SUSD1: variants seen among roughly 807,000 people sequenced by gnomAD.
The protein encoded by SUSD1 is sushi domain-containing protein 1.
In SUSD1, 65 loss-of-function variants were observed where a neutral mutation model predicts 86.9. The observed-to-expected ratio is 0.75, with a 90% CI of 0.61 to 0.92. The LOEUF (loss-of-function observed/expected upper bound fraction) is 0.92. SUSD1 is among the 40% of genes least tolerant of loss of function. SUSD1 has a pLI of 0.00. For synonymous variants in SUSD1, 346 were observed against 350.0 expected, an observed-to-expected ratio of 0.99 and a Z score of 0.13; for missense variants, 850 against 929.7, an observed-to-expected ratio of 0.91 and a Z score of 1.11.
intron 1 of SUSD1, among the ~76,000 whole-genome samples, chr9:112,167,122 T>TTG (rs2131853853): frequency 1.3e-5 from 2 of 151,448 alleles, no homozygotes; most frequent in East Asian, 1.9e-4. Context: ...AATTTTTTTT[T>TTG]GTCTCCCTCT....
At chr9:112,120,806 A>AC in intron 6 of SUSD1, among the ~76,000 whole-genome samples, 1 of 152,318 alleles carries the variant, frequency 6.6e-6, no homozygotes, top group African/African-American at 2.4e-5. Flanking sequence ...CTGGTTTTTC[A>AC]TGCGGTGACT....
At chr9:112,053,384 G>T (rs1828304963) in intron 14 of SUSD1, among the ~76,000 whole-genome samples, 1 of 151,474 alleles carries the variant, frequency 6.6e-6, no homozygotes, top group East Asian at 1.9e-4. Context: ...GTGTGGTGGT[G>T]GGCGCCTGTA....
chr9:112,063,098 G>A, intron 12 of SUSD1, 65 bp from the exon 13 acceptor site: 1 of 1,032,574 alleles, frequency 9.7e-7, no homozygotes, highest in Admixed American at 1.8e-5. Flanking sequence ...GGACAAAAGA[G>A]GTCCTCGTGA....
At chr9:112,051,633 G>A (rs911851774) in intron 15 of SUSD1, among the ~76,000 whole-genome samples, 16 of 151,844 alleles carry the variant, frequency 1.1e-4, no homozygotes, top group African/African-American at 3.9e-4. Context: ...GTTTCTCCAT[G>A]TTGGTCAGGC....
At chr9:112,145,534 G>T (rs1564337421) in intron 3 of SUSD1, among the ~76,000 whole-genome samples, 1 of 152,024 alleles carries the variant, frequency 6.6e-6, no homozygotes, top group African/African-American at 2.4e-5. Flanking sequence ...CACCCAGTTG[G>T]CTCCCAAAGT....
chr9:112,064,017 C>A (rs1321649874), intron 12 of SUSD1, among the ~76,000 whole-genome samples: 2 of 95,940 alleles, frequency 2.1e-5, no homozygotes, highest in East Asian at 3.1e-4. Context: ...GTAGCCCCAT[C>A]CTTATTTTTT....
chr9:112,058,273 C>A (rs1055169718), intron 14 of SUSD1, among the ~76,000 whole-genome samples, 155 bp downstream of exon 14: 2 of 152,200 alleles, frequency 1.3e-5, no homozygotes, highest in Non-Finnish European at 2.9e-5. Flanking sequence ...AGGGTTTCAC[C>A]TGTCCCTTCT....
intron 12 of SUSD1, among the ~76,000 whole-genome samples, chr9:112,065,340 T>C (rs931649209): frequency 6.6e-6 from 1 of 152,014 alleles, no homozygotes; most frequent in South Asian, 2.1e-4. Flanking sequence ...CTGGGCAACA[T>C]GGTGAAATCC....
intron 8 of SUSD1, among the ~76,000 whole-genome samples, chr9:112,109,933 G>T (rs984953762): frequency 1.1e-4 from 17 of 152,270 alleles, no homozygotes; most frequent in African/African-American, 3.4e-4. Context: ...GTTTTATATT[G>T]TTAAGATTGG....
At chr9:112,090,892 T>C (rs972071743) in intron 10 of SUSD1, among the ~76,000 whole-genome samples, 1 of 152,186 alleles carries the variant, frequency 6.6e-6, no homozygotes, top group African/African-American at 2.4e-5. Flanking sequence ...ATACGCATGA[T>C]TAGAAAATGA....
chr9:112,111,745 T>A lies in SUSD1; in HGVS notation c.1080A>T (p.Leu360=), dbSNP rs1472349547. ...TGTAGTTGGTGCCTGGGTACAGGGC[T>A]AGGCACACTTCTGGGGTCCTGCTGT... is the stretch of plus-strand genomic sequence containing the variant. The part of the protein sequence containing the change: ...TTDSRTPEVC[L]ALYPGTNYTV... Residue 360 remains leucine, a synonymous_variant, in exon 8 of 17, where the codon CTA becomes CTT. Coordinates refer to ENST00000374270, the MANE Select transcript of SUSD1 (RefSeq NM_022486.5). 2.5e-6 allele frequency: 4 copies of A among 1,614,176 alleles called. No individual in the cohort carries two copies. Among genetic ancestry groups the A allele is most frequent in the Non-Finnish European group, 2.5e-6 (3 of 1,180,020 alleles).
chr9:112,090,997 T>A (rs977815517), intron 10 of SUSD1, among the ~76,000 whole-genome samples: 19 of 152,214 alleles, frequency 1.2e-4, no homozygotes, highest in African/African-American at 4.3e-4. Context: ...TATTCATCTT[T>A]ATGAGTAAAG....
chr9:112,068,361 G>A (rs1829085911), intron 12 of SUSD1, among the ~76,000 whole-genome samples: 1 of 152,118 alleles, frequency 6.6e-6, no homozygotes, highest in African/African-American at 2.4e-5. Context: ...AGAGGGGTAG[G>A]TGTGGGTCAG....
chr9:112,054,701 T>C (rs778076069), intron 14 of SUSD1, among the ~76,000 whole-genome samples: 73 of 151,620 alleles, frequency 4.8e-4, no homozygotes, highest in Non-Finnish European at 8.8e-4. Flanking sequence ...TCAAAATGGA[T>C]CAAAAACCTA....
intron 1 of SUSD1, among the ~76,000 whole-genome samples, chr9:112,159,346 C>T (rs1833469091): frequency 6.6e-6 from 1 of 152,112 alleles, no homozygotes. Context: ...AGGCATGAAA[C>T]CAACTGAGAC....
At chr9:112,120,769 T>C (rs996748617) in intron 6 of SUSD1, among the ~76,000 whole-genome samples, 3 of 152,252 alleles carry the variant, frequency 2.0e-5, no homozygotes, top group African/African-American at 7.2e-5. Context: ...AGCTAATTAA[T>C]AGCTTACTAT....
rs571701567 is a variant in SUSD1 at position 112,041,978 on chromosome 9, A to G, written c.2150-18T>C. 1.9e-6 allele frequency: 3 copies of G among 1,612,696 alleles called. No homozygotes were observed. The highest frequency in any genetic ancestry group is 1.3e-5 in the African/African-American group (1 of 74,998). ...TGACGAATCTGTGGGACAAAACCAC[A>G]GGCTTAGCCCAGAGTGCACGGCATC... On this transcript the variant is annotated intron_variant, in intron 15 of 16. Coordinates refer to ENST00000374270, the MANE Select transcript of SUSD1 (RefSeq NM_022486.5).
intron 15 of SUSD1, among the ~76,000 whole-genome samples, chr9:112,047,684 G>A (rs1828015953): frequency 6.6e-6 from 1 of 152,096 alleles, no homozygotes; most frequent in Admixed American, 6.6e-5. Context: ...TTGCTCTGGA[G>A]GGGCTGTATT....
At chr9:112,085,785 G>A (rs1443615017) in intron 10 of SUSD1, among the ~76,000 whole-genome samples, 1 of 152,160 alleles carries the variant, frequency 6.6e-6, no homozygotes, top group Non-Finnish European at 1.5e-5. Flanking sequence ...AATCATCAAA[G>A]ATAATGGTGG....
Sources: allele counts gnomAD v4.1 joint callset (sites outside exome capture counted in the v4.1 genomes callset), GRCh38; gene constraint gnomAD v4.1.1; transcripts MANE v1.5; gene names NCBI Gene and HGNC (gene_info 2026-07-23, HGNC 2026-07-21).